The following RBBP6 variants were observed in gnomAD, a reference collection of about 807,000 sequenced individuals.
RBBP6 encodes the protein E3 ubiquitin-protein ligase RBBP6.
In RBBP6, 25 loss-of-function variants were observed where a neutral mutation model predicts 167.7. The ratio of observed to expected loss-of-function variants is 0.15; its 90% confidence interval spans 0.11 to 0.21. RBBP6 has a LOEUF of 0.21. Among genes scored for constraint, RBBP6 ranks in the 10% least tolerant of loss-of-function variants. The probability of loss-of-function intolerance (pLI) is 1.00; values close to 1 mark genes in which losing one functional copy is unlikely to be tolerated. For missense variants in RBBP6, 1,868 were observed against 2,134.2 expected (o/e 0.88, Z 2.46); for synonymous variants, 789 against 735.8 (o/e 1.07, Z -1.17).
At position 24,569,890 on chromosome 16, in the gene RBBP6, C is replaced by G. The variant is rs1458495210; in HGVS notation, c.3200C>G (p.Pro1067Arg). 1 of 1,610,592 alleles carries G rather than the reference C, an allele frequency of 6.2e-7. No homozygotes were observed. Among genetic ancestry groups the G allele is most frequent in the African/African-American group, 1.3e-5 (1 of 74,444 alleles). Residue 1067 changes from proline to arginine, a missense_variant, in exon 17 of 18, where the codon CCG (proline) becomes CGG (arginine). Coordinates refer to ENST00000319715, the MANE Select transcript of RBBP6 (RefSeq NM_006910.5). The part of the protein sequence containing the change: ...PPIKKAKEET[P>R]KTDNTKSSSS... ...ATTAAAAAAGCCAAAGAGGAGACTC[C>G]GAAGACTGACAATACTAAATCATCA...
chr16:24,558,602 A>T, intron 7 of RBBP6: 1 of 737,828 alleles, frequency 1.4e-6, no homozygotes, highest in Non-Finnish European at 1.7e-6. Flanking sequence ...CTGTTCCTGA[A>T]TGAAATAGAA....
Position 24,570,272 on chromosome 16 carries a change from C to T in RBBP6, c.3582C>T (p.Thr1194=), listed in dbSNP as rs1164907915. 2 of 1,611,518 alleles carry T rather than the reference C, an allele frequency of 1.2e-6. No homozygotes were observed. Among genetic ancestry groups the T allele is most frequent in the Admixed American group, 1.7e-5 (1 of 59,506 alleles). ...MEPDTEKMDR[T]PEKDKISLSA... is the part of the protein sequence containing the mutation. ...CTGATACTGAAAAAATGGATAGGAC[C>T]CCTGAAAAGGACAAAATTTCTTTAA... Residue 1194 remains threonine (T), a synonymous_variant, in exon 17 of 18, where the codon ACC becomes ACT. Transcript: ENST00000319715.
rs1443339411 is a variant in RBBP6, at chr16:24,572,066, A to G, written c.5000A>G (p.Asp1667Gly). Residue 1667 changes from aspartate to glycine, a missense_variant, in exon 18 of 18, where the codon GAT becomes GGT. By Grantham distance (94) the Asp-to-Gly change is moderately conservative. Coordinates refer to ENST00000319715, the MANE Select transcript of RBBP6 (RefSeq NM_006910.5). ...SSGNISKDLK[D>G]KIVEKAKESL... ...GGAAACATTTCTAAGGACCTGAAAGATAAAATAGTGGAGAAAGCAAAAGAG... is the reference window on the plus strand; with the variant it reads ...GGAAACATTTCTAAGGACCTGAAAGGTAAAATAGTGGAGAAAGCAAAAGAG... 1 of 1,614,172 alleles carries G rather than the reference A, an allele frequency of 6.2e-7. No homozygotes were observed. The highest frequency in any genetic ancestry group is 1.1e-5 in the South Asian group (1 of 91,088).
At chr16:24,566,720 C>T (rs967687083) in intron 14 of RBBP6, among the ~76,000 whole-genome samples, 5 of 151,970 alleles carry the variant, frequency 3.3e-5, no homozygotes, top group African/African-American at 1.2e-4. Flanking sequence ...CCAGCCTGGA[C>T]GACAGAGTGA....
rs757145338 is a variant in RBBP6, at chr16:24,567,874, C to T, written c.2035C>T (p.Arg679Cys). ...LMEYKKIQKERRRSFSRSKSP... is the reference protein window; with the variant it reads ...LMEYKKIQKECRRSFSRSKSP... ...GGAATACAAAAAGATTCAAAAGGAG[C>T]GTAGGCGCTCATTTTCCAGGTTAGT... Residue 679 changes from arginine to cysteine, a missense_variant, in exon 16 of 18, where the codon CGT (arginine) becomes TGT (cysteine). By Grantham distance (180) the Arg-to-Cys change is radical. Around this residue, in one of 7 missense-constraint regions of RBBP6, gnomAD observed 145 missense variants for 224.3 expected, o/e 0.65. Coordinates refer to ENST00000319715, the MANE Select transcript of RBBP6 (RefSeq NM_006910.5). 2 of 1,611,346 alleles carry T rather than the reference C, an allele frequency of 1.2e-6. No homozygotes were observed. Among genetic ancestry groups the T allele is most frequent in the Non-Finnish European group, 1.7e-6 (2 of 1,178,648 alleles).
chr16:24,568,346 T>G lies in RBBP6; in HGVS notation c.2055-399T>G, dbSNP rs978855772. On this transcript the variant is annotated intron_variant, in intron 16 of 17. Transcript: ENST00000319715. ...CTGGAAGTTTGTTTAAAAGACTTTA[T>G]TTTTTAGCCTTACACTTGAAATGTG... Among the ~76,000 whole-genome samples the G allele has an allele frequency of 3.3e-5, 5 of 152,220 alleles. No individual in the cohort carries two copies. In the South Asian group the frequency reaches 1.0e-3, roughly 32 times the overall value.
Position 24,571,204 on chromosome 16 carries a change from G to T in RBBP6, c.4138G>T (p.Val1380Leu). ...GAAAATTCAGAAATTCACCAAGGAC[G>T]TGAGCCATGAAATCATACAACATGA... ...SEKIQKFTKDVSHEIIQHEVK... is the reference protein window; with the variant it reads ...SEKIQKFTKDLSHEIIQHEVK... Residue 1380 changes from valine (V) to leucine (L), a missense_variant, in exon 18 of 18, where the codon GTG (valine) becomes TTG (leucine). Val to Leu is a conservative substitution (Grantham distance 32, BLOSUM62 1). Around this residue, in one of 7 missense-constraint regions of RBBP6, gnomAD observed 591 missense variants for 540.5 expected, o/e 1.09. Coordinates refer to ENST00000319715, the MANE Select transcript of RBBP6 (RefSeq NM_006910.5). 4 of 1,613,958 alleles carry T rather than the reference G, an allele frequency of 2.5e-6. No homozygotes were observed. Among genetic ancestry groups the T allele is most frequent in the Non-Finnish European group, 3.4e-6 (4 of 1,179,958 alleles).
chr16:24,558,154 T>G (rs1898963347), intron 7 of RBBP6, among the ~76,000 whole-genome samples: 1 of 152,228 alleles, frequency 6.6e-6, no homozygotes, highest in Non-Finnish European at 1.5e-5. Context: ...AGTAAAAATT[T>G]GTGTTGGAAA....
Position 24,569,166 on chromosome 16 carries a change from C to T in RBBP6, c.2476C>T (p.Arg826Cys), listed in dbSNP as rs373869153. The T allele has an allele frequency of 8.6e-5, 138 of 1,611,552 alleles. No homozygotes were observed. The highest frequency in any genetic ancestry group is 9.9e-5 in the Non-Finnish European group (117 of 1,179,310). The change falls in exon 17 of 18, where the codon CGC becomes TGC. Residue 826 changes from arginine (R) to cysteine (C), a missense_variant. Coordinates refer to ENST00000319715, the MANE Select transcript of RBBP6 (RefSeq NM_006910.5). Reference protein sequence around the residue: ...VDFRDPFEKERYREWERKYRE... With the variant: ...VDFRDPFEKECYREWERKYRE... ...CTTTAGAGACCCATTTGAAAAAGAA[C>T]GCTACCGAGAATGGGAGAGAAAATA...
rs1899296061 is a variant in RBBP6, at chr16:24,570,347, T to A, written c.3657T>A (p.Ile1219=). ...IKLNRETGKK[I]GSTENISNTK... ...TCAACAGAGAAACTGGGAAGAAAATTGGAAGTACAGAAAATATATCAAACA... is the reference window on the plus strand; with the variant it reads ...TCAACAGAGAAACTGGGAAGAAAATAGGAAGTACAGAAAATATATCAAACA... The change falls in exon 17 of 18, where the codon ATT becomes ATA. Residue 1219 remains isoleucine (I), a synonymous_variant. Transcript: ENST00000319715. 6.2e-7 allele frequency: 1 copy of A among 1,612,380 alleles called. No individual in the cohort carries two copies. The highest frequency in any genetic ancestry group is 2.2e-5 in the East Asian group (1 of 44,862).
chr16:24,557,101 C>A (rs751309252), intron 7 of RBBP6, among the ~76,000 whole-genome samples: 1 of 151,056 alleles, frequency 6.6e-6, no homozygotes, highest in Non-Finnish European at 1.5e-5. Context: ...CAGGTTCACA[C>A]CATTTTCCTG....
intron 4 of RBBP6, chr16:24,555,341 T>C (rs142527100): frequency 9.8e-5 from 26 of 266,284 alleles, no homozygotes; most frequent in Admixed American, 6.4e-4. Context: ...CTTTAACTTG[T>C]AGAAAAGTAG....
chr16:24,564,711 T>G, intron 13 of RBBP6, 86 bp from the exon 14 acceptor site: 1 of 1,438,710 alleles, frequency 7.0e-7, no homozygotes. Context: ...GTAGTTAAAA[T>G]TGGTGTCTTA....
At chr16:24,560,358 G>A (rs1353560658) in intron 8 of RBBP6, among the ~76,000 whole-genome samples, 2 of 152,038 alleles carry the variant, frequency 1.3e-5, no homozygotes, top group Non-Finnish European at 2.9e-5. Context: ...CGCCCACCTC[G>A]GCCTCCCCAA....
intron 1 of RBBP6, among the ~76,000 whole-genome samples, chr16:24,541,190 AAACAAAAAAAAAACC>A (rs1249628919): frequency 0.03 from 2,482 of 82,162 alleles, 117 homozygotes; most frequent in African/African-American, 0.13. Context: ...GCAAAAAAAA[AAACAAAAAAAAAACC>A]AAAAAAACAA....
Position 24,572,088 on chromosome 16 carries a change from A to G in RBBP6, c.5022A>G (p.Lys1674=), listed in dbSNP as rs766213546. ...AAGATAAAATAGTGGAGAAAGCAAAAGAGAGCCTGGACACAGCAGCAGTTG... is the reference window on the plus strand; with the variant it reads ...AAGATAAAATAGTGGAGAAAGCAAAGGAGAGCCTGGACACAGCAGCAGTTG... ...DLKDKIVEKA[K]ESLDTAAVVQ... The change falls in exon 18 of 18, where the codon AAA becomes AAG. Residue 1674 remains lysine (K), a synonymous_variant. Transcript: ENST00000319715. The G allele has an allele frequency of 1.1e-5, 17 of 1,614,036 alleles. No homozygotes were observed. Among genetic ancestry groups the G allele is most frequent in the Middle Eastern group, 1.6e-4 (1 of 6,084 alleles).
intron 3 of RBBP6, chr16:24,552,930 T>C (rs1351394587): frequency 6.6e-6 from 1 of 151,962 alleles, no homozygotes; most frequent in Non-Finnish European, 1.5e-5. Flanking sequence ...TTTTCCCTTT[T>C]TTTGACTTAA....
intron 1 of RBBP6, among the ~76,000 whole-genome samples, chr16:24,541,214 A>C (rs1192200932): frequency 2.7e-5 from 4 of 147,498 alleles, no homozygotes; most frequent in Non-Finnish European, 4.5e-5. Flanking sequence ...CCAAAAAAAC[A>C]ATTTTCTAAC....
chr16:24,551,086 G>A (rs928682971), intron 3 of RBBP6, among the ~76,000 whole-genome samples: 1 of 151,820 alleles, frequency 6.6e-6, no homozygotes, highest in Non-Finnish European at 1.5e-5. Context: ...ATCCATCCAT[G>A]TTGATACCCC....
Sources: gnomAD v4.1 joint callset for allele counts (sites outside exome capture counted in the v4.1 genomes callset) on GRCh38, gnomAD v4.1.1 for gene constraint, gnomAD v4.1.1 regional missense constraint, MANE v1.5 for transcripts, NCBI Gene and HGNC (gene_info 2026-07-23, HGNC 2026-07-21) for gene names.